Variants in KIF26B observed in about 807,000 individuals in gnomAD.
KIF26B encodes the protein kinesin family member 26B.
A neutral mutation model predicts 151.2 loss-of-function variants in KIF26B; 63 were observed. The ratio of observed to expected loss-of-function variants is 0.42; its 90% confidence interval spans 0.34 to 0.51. KIF26B has a LOEUF of 0.51. KIF26B is among the 20% of genes least tolerant of loss of function. The probability of loss-of-function intolerance (pLI) is 0.07; values close to 1 mark genes in which losing one functional copy is unlikely to be tolerated. For missense variants in KIF26B, 2,813 were observed against 2,913.6 expected, an observed-to-expected ratio of 0.97 and a Z score of 0.79; for synonymous variants, 1,357 against 1,262.1, an observed-to-expected ratio of 1.08 and a Z score of -1.59.
At chr1:245,555,867 A>G (rs924161212) in intron 5 of KIF26B, among the ~76,000 whole-genome samples, 1 of 152,188 alleles carries the variant, frequency 6.6e-6, no homozygotes, top group Admixed American at 6.5e-5. Flanking sequence ...TTTGTGGACC[A>G]CTGATTTCAC....
intron 2 of KIF26B, among the ~76,000 whole-genome samples, chr1:245,303,417 C>T (rs544166174): frequency 1.3e-5 from 2 of 150,702 alleles, no homozygotes; most frequent in Non-Finnish European, 2.9e-5. Context: ...CCAGGATGGT[C>T]TCGATCTCCT....
chr1:245,188,055 G>A (rs1367831964), intron 2 of KIF26B, among the ~76,000 whole-genome samples: 4 of 152,030 alleles, frequency 2.6e-5, no homozygotes, highest in Admixed American at 6.6e-5. Flanking sequence ...CGAGGTGGGC[G>A]AATCACCTGA....
intron 4 of KIF26B, among the ~76,000 whole-genome samples, chr1:245,458,625 A>T (rs558244300): frequency 1.3e-3 from 194 of 152,240 alleles, no homozygotes; most frequent in African/African-American, 4.2e-3. Flanking sequence ...GTCAAATAAA[A>T]TTTTTTAGGA....
At chr1:245,288,820 C>G (rs1337522786) in intron 2 of KIF26B, among the ~76,000 whole-genome samples, 1 of 152,024 alleles carries the variant, frequency 6.6e-6, no homozygotes, top group African/African-American at 2.4e-5. Flanking sequence ...ATTTCTTTTT[C>G]CCTAAAAGAC....
chr1:245,590,374 A>G (rs2043275512), intron 5 of KIF26B, among the ~76,000 whole-genome samples: 1 of 152,176 alleles, frequency 6.6e-6, no homozygotes, highest in African/African-American at 2.4e-5. Flanking sequence ...CAAAATCCAA[A>G]CTGAACACAT....
intron 2 of KIF26B, among the ~76,000 whole-genome samples, chr1:245,196,306 T>G (rs1256326237): frequency 1.3e-5 from 2 of 152,206 alleles, no homozygotes; most frequent in Non-Finnish European, 2.9e-5. Flanking sequence ...AGCTTCTACC[T>G]GGGCTCCCTA....
At position 245,531,108 on chromosome 1, in the gene KIF26B, T is replaced by C. The variant is rs1251064325; in HGVS notation, c.1167-9659T>C. Among the ~76,000 whole-genome samples the C allele has an allele frequency of 2.0e-5, 3 of 152,142 alleles. No homozygotes were observed. In the East Asian group the frequency reaches 5.8e-4, roughly 29 times the overall value. ...CCTAACTCACTGTACTGAGACATTT[T>C]CCCCCTATAATATGGAGATATGTTG... On this transcript the variant is annotated intron_variant, in intron 4 of 14. Coordinates refer to ENST00000407071, the MANE Select transcript of KIF26B (RefSeq NM_018012.4).
chr1:245,219,156 T>TTTTG (rs1558349827), intron 2 of KIF26B, among the ~76,000 whole-genome samples: 1 of 80,942 alleles, frequency 1.2e-5, no homozygotes, highest in African/African-American at 4.0e-5. Flanking sequence ...TTTTTTTTTT[T>TTTTG]GAGACGGAGT....
chr1:245,266,277 T>C (rs1670743518), intron 2 of KIF26B, among the ~76,000 whole-genome samples: 1 of 152,178 alleles, frequency 6.6e-6, no homozygotes, highest in Non-Finnish European at 1.5e-5. Context: ...GGTGAAAATA[T>C]GAGTCTGATA....
chr1:245,701,039 C>G (rs1176352911), intron 14 of KIF26B, among the ~76,000 whole-genome samples: 1 of 145,298 alleles, frequency 6.9e-6, no homozygotes, highest in Non-Finnish European at 1.5e-5. Context: ...CTTACAAAGT[C>G]AGTCATATTT....
chr1:245,464,320 G>A (rs1327430108), intron 4 of KIF26B, among the ~76,000 whole-genome samples: 3 of 152,134 alleles, frequency 2.0e-5, no homozygotes, highest in Admixed American at 2.0e-4. Flanking sequence ...TGTGTGTCCC[G>A]TCCCCCGACC....
chr1:245,330,054 T>G (rs1318820138), intron 2 of KIF26B, among the ~76,000 whole-genome samples: 1 of 151,974 alleles, frequency 6.6e-6, no homozygotes, highest in East Asian at 2.0e-4. Context: ...CGATCTGAAG[T>G]GCAAAGATTA....
chr1:245,655,756 C>T (rs1404998407), intron 10 of KIF26B, among the ~76,000 whole-genome samples: 1 of 152,246 alleles, frequency 6.6e-6, no homozygotes, highest in Non-Finnish European at 1.5e-5. Context: ...ACTTCTGCTG[C>T]ACAGCCGGAG....
intron 2 of KIF26B, among the ~76,000 whole-genome samples, chr1:245,184,609 T>A (rs1194248193): frequency 6.6e-6 from 1 of 152,202 alleles, no homozygotes; most frequent in African/African-American, 2.4e-5. Context: ...GGAGTCAAAA[T>A]TTTAAAATCT....
chr1:245,652,064 T>C (rs569084194), intron 10 of KIF26B, among the ~76,000 whole-genome samples: 1 of 151,750 alleles, frequency 6.6e-6, no homozygotes, highest in South Asian at 2.1e-4. Context: ...TCCAGATTTG[T>C]TTAAGATAGC....
At chr1:245,652,553 T>C (rs567793728) in intron 10 of KIF26B, among the ~76,000 whole-genome samples, 38 of 152,314 alleles carry the variant, frequency 2.5e-4, no homozygotes, top group African/African-American at 8.4e-4. Flanking sequence ...GAGATTGTTA[T>C]TATTTTCTTA....
rs549099013 is a variant in KIF26B, at chr1:245,539,320, A to G, written c.1167-1447A>G. 3.9e-5 allele frequency among the ~76,000 whole-genome samples: 6 copies of G among 152,312 alleles called. No homozygotes were observed. The South Asian group carries it at 1.2e-3, about 32-fold the overall frequency. On this transcript the variant is annotated intron_variant, in intron 4 of 14. Coordinates refer to ENST00000407071, the MANE Select transcript of KIF26B (RefSeq NM_018012.4). The stretch of plus-strand genomic sequence containing the variant: ...TAAAACCAGCTATCCCAGACCATTG[A>G]AGGAGACCGGGGTCGGGGAGGGAGA...
At chr1:245,235,901 A>G (rs1035983489) in intron 2 of KIF26B, among the ~76,000 whole-genome samples, 1 of 151,112 alleles carries the variant, frequency 6.6e-6, no homozygotes, top group African/African-American at 2.4e-5. Flanking sequence ...CCCCACCACT[A>G]TAAGCTGCTT....
At chr1:245,430,370 G>A (rs1704415) in intron 4 of KIF26B, among the ~76,000 whole-genome samples, 23,322 of 151,854 alleles carry the variant, frequency 0.15, 1,939 homozygotes, top group African/African-American at 0.22. Context: ...TTTAAAAATC[G>A]TACTGGCCAG....
Sources: allele counts gnomAD v4.1 joint callset (sites outside exome capture counted in the v4.1 genomes callset), GRCh38; gene constraint gnomAD v4.1.1; transcripts MANE v1.5; gene names NCBI Gene and HGNC (gene_info 2026-07-23, HGNC 2026-07-21).